FOXP2: variants seen among roughly 807,000 people sequenced by gnomAD.
The protein encoded by FOXP2 is forkhead box protein P2.
FOXP2 carries 12 observed loss-of-function variants against 115.8 expected under a neutral mutation model. The ratio of observed to expected loss-of-function variants is 0.10; its 90% CI spans 0.07 to 0.17. The LOEUF is 0.17. FOXP2 is among the 10% of genes least tolerant of loss of function. The pLI, the probability that FOXP2 is intolerant of heterozygous loss-of-function variation, is 1.00. For synonymous variants in FOXP2, 328 were observed against 297.7 expected (o/e 1.10, Z -1.05); for missense variants, 629 against 843.5 (o/e 0.75, Z 3.15).
intron 2 of FOXP2, among the ~76,000 whole-genome samples, chr7:114,406,009 A>G (rs1411799899): frequency 6.6e-6 from 1 of 151,914 alleles, no homozygotes. Flanking sequence ...TATGAGAAAT[A>G]ACTGTCAATT....
At chr7:114,202,728 T>C (rs1794098646) in intron 1 of FOXP2, among the ~76,000 whole-genome samples, 1 of 152,168 alleles carries the variant, frequency 6.6e-6, no homozygotes, top group Non-Finnish European at 1.5e-5. Flanking sequence ...AATTTGCATA[T>C]GTAATATAGG....
intron 2 of FOXP2, among the ~76,000 whole-genome samples, chr7:114,529,499 T>C (rs571446072): frequency 1.3e-5 from 2 of 151,994 alleles, no homozygotes; most frequent in Admixed American, 1.3e-4. Context: ...TAGTGTAGTA[T>C]TATTTTATAA....
chr7:114,527,073 G>A (rs1798917113), intron 2 of FOXP2, among the ~76,000 whole-genome samples: 1 of 133,688 alleles, frequency 7.5e-6, no homozygotes, highest in Admixed American at 7.8e-5. Context: ...TATGATTTTT[G>A]TTACTGACTT....
chr7:114,371,740 A>G (rs938097030), intron 2 of FOXP2, among the ~76,000 whole-genome samples: 8 of 152,112 alleles, frequency 5.3e-5, no homozygotes, highest in Non-Finnish European at 7.4e-5. Context: ...TGTCTGGTAT[A>G]TAGTAACTAC....
chr7:114,109,591 G>C (rs2129141935), intron 1 of FOXP2, among the ~76,000 whole-genome samples: 1 of 152,158 alleles, frequency 6.6e-6, no homozygotes, highest in East Asian at 1.9e-4. Flanking sequence ...AGAAGTGTTA[G>C]TCACTGTAGA....
intron 2 of FOXP2, among the ~76,000 whole-genome samples, chr7:114,295,673 A>G (rs1796726129): frequency 6.6e-6 from 1 of 152,250 alleles, no homozygotes; most frequent in Admixed American, 6.5e-5. Flanking sequence ...ATGAAGTTAT[A>G]GTCTGAAGCC....
intron 1 of FOXP2, among the ~76,000 whole-genome samples, chr7:114,225,188 T>A (rs1405435678): frequency 6.6e-6 from 1 of 152,140 alleles, no homozygotes; most frequent in East Asian, 1.9e-4. Context: ...GGGTGGGGTA[T>A]GTTGCTTCTT....
intron 2 of FOXP2, among the ~76,000 whole-genome samples, chr7:114,490,287 C>T (rs993841242): frequency 1.3e-5 from 2 of 151,922 alleles, no homozygotes; most frequent in African/African-American, 2.4e-5. Context: ...AATGTAAATG[C>T]GCATTACTAG....
Position 114,261,818 on chromosome 7 carries a change from G to A in FOXP2, c.-101-26201G>A, listed in dbSNP as rs577288184. Among the ~76,000 whole-genome samples, 4 of 152,214 alleles carry A rather than the reference G, an allele frequency of 2.6e-5. No individual in the cohort carries two copies. The East Asian group carries it at 7.7e-4, about 29-fold the overall frequency. ...TCACACCTGTAATTTCAGCACTTTG[G>A]GAGGTCGAGGTGTTTGAATAATTTG... On this transcript the variant is annotated intron_variant, in intron 1 of 17. Coordinates refer to the FOXP2 transcript ENST00000634411.
At chr7:114,197,180 A>G (rs1461463124) in intron 1 of FOXP2, among the ~76,000 whole-genome samples, 1 of 152,220 alleles carries the variant, frequency 6.6e-6, no homozygotes, top group Non-Finnish European at 1.5e-5. Context: ...CCTCGACTAC[A>G]CAGTGAGACC....
At chr7:114,496,977 T>C (rs528916676) in intron 2 of FOXP2, among the ~76,000 whole-genome samples, 1 of 152,156 alleles carries the variant, frequency 6.6e-6, no homozygotes, top group Non-Finnish European at 1.5e-5. Context: ...TTCATATGTA[T>C]TGGAGGTGGT....
intron 1 of FOXP2, among the ~76,000 whole-genome samples, chr7:114,272,942 T>A (rs80019984): frequency 0.04 from 6,080 of 151,980 alleles, 296 homozygotes; most frequent in African/African-American, 0.12. Flanking sequence ...TTTCATTAAG[T>A]TATTTCTTAA....
intron 2 of FOXP2, among the ~76,000 whole-genome samples, chr7:114,452,900 T>C (rs1289863267): frequency 6.6e-6 from 1 of 152,120 alleles, no homozygotes; most frequent in African/African-American, 2.4e-5. Context: ...AGAGCCTTTG[T>C]CTTCTTTGCA....
At position 114,509,424 on chromosome 7, in the gene FOXP2, A is replaced by T. The variant is rs531755070; in HGVS notation, c.169-25193A>T. Among the ~76,000 whole-genome samples, 815 of 152,164 alleles carry T rather than the reference A, an allele frequency of 5.4e-3. 1 individual carries two copies. The highest frequency in any genetic ancestry group is 9.3e-3 in the South Asian group (45 of 4,818). On this transcript the variant is annotated intron_variant, in intron 2 of 16. Transcript: ENST00000350908. ...AAAGAGGAAAATGGAAAAAAAGAGA[A>T]AGGTATTATGAAAGTCCAGAGAAGA...
At position 114,112,507 on chromosome 7, in the gene FOXP2, C is replaced by T. The variant is rs529328034; in HGVS notation, c.-247+24669C>T. 3.5e-4 allele frequency among the ~76,000 whole-genome samples: 53 copies of T among 152,144 alleles called. 1 individual carries two copies. Among genetic ancestry groups the T allele is most frequent in the African/African-American group, 1.1e-3 (46 of 41,510 alleles). On this transcript the variant is annotated intron_variant, in intron 1 of 19. Transcript: ENST00000635638. ...AGAGATGGGGTTTCACCATGTTGCC[C>T]AGGCTGGTCTCAAGCCCCTGAGCTC...
chr7:114,240,230 G>A (rs942973333), intron 1 of FOXP2, among the ~76,000 whole-genome samples: 1 of 152,120 alleles, frequency 6.6e-6, no homozygotes, highest in Non-Finnish European at 1.5e-5. Context: ...TGGTTGGGGG[G>A]AGGAAAACCT....
At chr7:114,358,249 C>T (rs1317540680) in intron 2 of FOXP2, among the ~76,000 whole-genome samples, 1 of 152,154 alleles carries the variant, frequency 6.6e-6, no homozygotes, top group African/African-American at 2.4e-5. Flanking sequence ...TTGCCTTCCA[C>T]CATGATTGTG....
intron 2 of FOXP2, among the ~76,000 whole-genome samples, chr7:114,328,686 G>T (rs912525620): frequency 6.6e-6 from 1 of 152,124 alleles, no homozygotes; most frequent in African/African-American, 2.4e-5. Flanking sequence ...ATATATAAGG[G>T]TCTCTAATCA....
At chr7:114,091,245 A>G (rs1033656551) in intron 1 of FOXP2, among the ~76,000 whole-genome samples, 1 of 151,882 alleles carries the variant, frequency 6.6e-6, no homozygotes, top group African/African-American at 2.4e-5. Context: ...GCATAAAGAA[A>G]TAGTATGACC....
Sources: allele counts gnomAD v4.1 joint callset (sites outside exome capture counted in the v4.1 genomes callset), GRCh38; gene constraint gnomAD v4.1.1; transcripts MANE v1.5; gene names NCBI Gene and HGNC (gene_info 2026-07-23, HGNC 2026-07-21).